Variants in IL1RAPL2 observed in about 807,000 individuals in gnomAD.
IL1RAPL2 encodes X-linked interleukin-1 receptor accessory protein-like 2.
Under a neutral mutation model 44.1 loss-of-function variants are expected in IL1RAPL2, and 3 were observed. The observed-to-expected ratio is 0.07, with a 90% CI of 0.03 to 0.18. IL1RAPL2 has a LOEUF of 0.18. Among genes scored for constraint, IL1RAPL2 ranks in the 10% least tolerant of loss-of-function variants. IL1RAPL2 has a pLI of 1.00. For missense variants in IL1RAPL2, 391 were observed against 496.4 expected, an observed-to-expected ratio of 0.79 and a Z score of 2.02; for synonymous variants, 181 against 178.8, an observed-to-expected ratio of 1.01 and a Z score of -0.10.
chrX:105,460,301 C>T (rs751002016), intron 5 of IL1RAPL2, among the ~76,000 whole-genome samples: 3 of 110,873 alleles, frequency 2.7e-5, no homozygotes, highest in Admixed American at 1.9e-4. Context: ...AAAATCTTAT[C>T]GTATGTCTTA....
chrX:104,634,282 A>T (rs1305673011), intron 1 of IL1RAPL2, among the ~76,000 whole-genome samples: 1 of 111,413 alleles, frequency 9.0e-6, no homozygotes, highest in Non-Finnish European at 1.9e-5. Flanking sequence ...TCCATTTTGG[A>T]ATAAGTGCGG....
At chrX:104,809,610 T>G (rs1244402511) in intron 2 of IL1RAPL2, among the ~76,000 whole-genome samples, 5 of 109,740 alleles carry the variant, frequency 4.6e-5, no homozygotes, top group Non-Finnish European at 9.5e-5. Context: ...TTGAGTTCAT[T>G]GTAGATTCTG....
intron 2 of IL1RAPL2, among the ~76,000 whole-genome samples, chrX:105,017,639 G>A (rs144278328): frequency 0.039 from 4,295 of 110,730 alleles, 228 homozygotes; most frequent in African/African-American, 0.13. Context: ...GAAAAATAGA[G>A]AAGAATGCAA....
intron 5 of IL1RAPL2, among the ~76,000 whole-genome samples, chrX:105,362,775 G>A (rs948755738): frequency 9.0e-6 from 1 of 111,446 alleles, no homozygotes; most frequent in African/African-American, 3.2e-5. Flanking sequence ...GTATATATTT[G>A]TAGGGAATAA....
chrX:104,593,816 T>C (rs775177491), intron 1 of IL1RAPL2, among the ~76,000 whole-genome samples: 88 of 112,448 alleles, frequency 7.8e-4, no homozygotes, highest in Non-Finnish European at 1.4e-3. Context: ...AACAGTGTCC[T>C]ACACTCTGGT....
At chrX:104,787,022 A>G (rs1412590843) in intron 2 of IL1RAPL2, among the ~76,000 whole-genome samples, 2 of 87,685 alleles carry the variant, frequency 2.3e-5, no homozygotes, top group African/African-American at 8.8e-5. Flanking sequence ...CTTCCTTTGT[A>G]CTTTTTTGTG....
Position 104,632,030 on chromosome X carries a change from G to A in IL1RAPL2, c.-19-26865G>A, listed in dbSNP as rs746575827. Among the ~76,000 whole-genome samples, 397 of 111,453 alleles carry A rather than the reference G, an allele frequency of 3.6e-3. 1 individual carries two copies. The highest frequency in any genetic ancestry group is 5.4e-3 in the Non-Finnish European group (284 of 53,020). On this transcript the variant is annotated intron_variant, in intron 1 of 10. Coordinates refer to ENST00000372582, the MANE Select transcript of IL1RAPL2 (RefSeq NM_017416.2). Reference sequence around the variant, plus strand: ...AATTAATTTTTGTATAAGGTGTAAGGAAGGGATCCAGTTTCAGCTTTCTAC... The same window carrying A: ...AATTAATTTTTGTATAAGGTGTAAGAAAGGGATCCAGTTTCAGCTTTCTAC...
intron 2 of IL1RAPL2, among the ~76,000 whole-genome samples, chrX:105,189,656 C>T (rs142843822): frequency 0.01 from 1,167 of 111,885 alleles, 15 homozygotes; most frequent in African/African-American, 0.036. Flanking sequence ...TTGGAGGTTA[C>T]GTCAAGAACA....
intron 2 of IL1RAPL2, among the ~76,000 whole-genome samples, chrX:105,148,768 G>T (rs1009890296): frequency 8.9e-6 from 1 of 111,781 alleles, no homozygotes; most frequent in African/African-American, 3.3e-5. Flanking sequence ...AATCCTCAAA[G>T]TATTGGAATT....
At chrX:105,370,450 C>A (rs1043032325) in intron 5 of IL1RAPL2, among the ~76,000 whole-genome samples, 2 of 111,573 alleles carry the variant, frequency 1.8e-5, no homozygotes, top group Non-Finnish European at 3.8e-5. Context: ...ATTTTTAGCT[C>A]CATCTTGTAA....
At chrX:105,627,639 T>A (rs769808320) in intron 6 of IL1RAPL2, among the ~76,000 whole-genome samples, 1 of 112,285 alleles carries the variant, frequency 8.9e-6, no homozygotes, top group African/African-American at 3.2e-5. Flanking sequence ...TAAGAATTTA[T>A]GTTGTTACTA....
chrX:105,395,561 A>G (rs746702835), intron 5 of IL1RAPL2, among the ~76,000 whole-genome samples: 20 of 110,978 alleles, frequency 1.8e-4, no homozygotes, highest in Middle Eastern at 4.6e-3. Context: ...TCAGTGTTGT[A>G]TAAATAGTAC....
At chrX:104,867,236 CAAAAAAAAAAA>C (rs35810207) in intron 2 of IL1RAPL2, among the ~76,000 whole-genome samples, 2 of 43,814 alleles carry the variant, frequency 4.6e-5, no homozygotes, top group African/African-American at 9.5e-5. Flanking sequence ...GTCTCTGTCT[CAAAAAAAAAAA>C]AAAAAAAAAA....
intron 2 of IL1RAPL2, among the ~76,000 whole-genome samples, chrX:104,729,530 A>C (rs962272038): frequency 1.1e-5 from 1 of 91,657 alleles, no homozygotes; most frequent in African/African-American, 4.2e-5. Context: ...TTTTAGTTTC[A>C]TGGGTACATA....
intron 2 of IL1RAPL2, among the ~76,000 whole-genome samples, chrX:104,688,165 G>A (rs1931021407): frequency 8.9e-6 from 1 of 111,748 alleles, no homozygotes; most frequent in Non-Finnish European, 1.9e-5. Context: ...CCCTCTGTCT[G>A]AAATATTCTG....
At chrX:105,578,745 T>C (rs1026041804) in intron 6 of IL1RAPL2, among the ~76,000 whole-genome samples, 1 of 111,760 alleles carries the variant, frequency 8.9e-6, no homozygotes, top group African/African-American at 3.3e-5. Flanking sequence ...TGAAAATCTA[T>C]TAGTGATTTC....
At chrX:104,955,216 T>G (rs1925682108) in intron 2 of IL1RAPL2, among the ~76,000 whole-genome samples, 2 of 111,232 alleles carry the variant, frequency 1.8e-5, no homozygotes, top group Non-Finnish European at 3.8e-5. Flanking sequence ...GAGATTCACT[T>G]AAGTTGTGGC....
At chrX:104,985,131 A>C (rs977195263) in intron 2 of IL1RAPL2, among the ~76,000 whole-genome samples, 3 of 109,183 alleles carry the variant, frequency 2.7e-5, no homozygotes, top group African/African-American at 1.0e-4. Context: ...TGTGTTGCCC[A>C]GGCTGGAGTG....
At chrX:104,676,821 ACTTCT>A (rs1483030674) in intron 2 of IL1RAPL2, among the ~76,000 whole-genome samples, 1 of 110,187 alleles carries the variant, frequency 9.1e-6, no homozygotes, top group African/African-American at 3.3e-5. Context: ...TTTTCTCTAA[ACTTCT>A]CTTCTCTCTT....
Sources: gnomAD v4.1 joint callset for allele counts (sites outside exome capture counted in the v4.1 genomes callset) on GRCh38, gnomAD v4.1.1 for gene constraint, MANE v1.5 for transcripts, NCBI Gene and HGNC (gene_info 2026-07-23, HGNC 2026-07-21) for gene names.